RASGRF2: variants seen among roughly 807,000 people sequenced by gnomAD.
RASGRF2 encodes the protein Ras protein specific guanine nucleotide releasing factor 2.
RASGRF2 carries 76 observed loss-of-function variants against 151.0 expected under a neutral mutation model. That is an observed-to-expected ratio of 0.50 (90% CI 0.42 to 0.61). The LOEUF (loss-of-function observed/expected upper bound fraction) is 0.61. RASGRF2 is among the 20% of genes least tolerant of loss of function. The pLI is 0.00. For missense variants in RASGRF2, 1,148 were observed against 1,564.6 expected (o/e 0.73, Z 4.49); for synonymous variants, 504 against 566.5 (o/e 0.89, Z 1.57).
chr5:81,127,311 AC>A, intron 17 of RASGRF2, 148 bp downstream of exon 17: 2 of 812,182 alleles, frequency 2.5e-6, no homozygotes, highest in Non-Finnish European at 1.9e-6. Flanking sequence ...ATTGCTTGAG[AC>A]CAGTAGTTTG....
At chr5:81,000,764 C>T (rs1404969804) in intron 1 of RASGRF2, among the ~76,000 whole-genome samples, 1 of 152,128 alleles carries the variant, frequency 6.6e-6, no homozygotes, top group Non-Finnish European at 1.5e-5. Flanking sequence ...TGGTTTTGTC[C>T]TATGCATCTC....
intron 22 of RASGRF2, among the ~76,000 whole-genome samples, chr5:81,208,839 C>A (rs1755570631): frequency 6.6e-6 from 1 of 152,080 alleles, no homozygotes; most frequent in Non-Finnish European, 1.5e-5. Flanking sequence ...GCGTGAGCCA[C>A]CGCACCTGGC....
At position 81,220,045 on chromosome 5, in the gene RASGRF2, A is replaced by G. The variant is rs549069055; in HGVS notation, c.3621+267A>G. Among the ~76,000 whole-genome samples, 5 of 152,130 alleles carry G rather than the reference A, an allele frequency of 3.3e-5. No individual in the cohort carries two copies. The South Asian group carries it at 1.0e-3, about 32-fold the overall frequency. On this transcript the variant is annotated intron_variant, in intron 26 of 26. Coordinates refer to ENST00000265080, the MANE Select transcript of RASGRF2 (RefSeq NM_006909.3). ...CCAGAACCCTTGGTCCAAGCTGCCG[A>G]TATCTGTTGCCTGCTCTACTTGCAT...
At chr5:81,157,259 G>A (rs1042711066) in intron 17 of RASGRF2, among the ~76,000 whole-genome samples, 2 of 151,636 alleles carry the variant, frequency 1.3e-5, no homozygotes, top group East Asian at 3.9e-4. Flanking sequence ...AGAGGCTGAG[G>A]CAGGAGAATG....
At chr5:81,202,490 G>A (rs1375347920) in intron 19 of RASGRF2, among the ~76,000 whole-genome samples, 1 of 152,180 alleles carries the variant, frequency 6.6e-6, no homozygotes, top group Non-Finnish European at 1.5e-5. Context: ...TTAGCAACTG[G>A]CCTGTAAGTC....
chr5:81,067,540 G>T (rs1751643367), intron 2 of RASGRF2, among the ~76,000 whole-genome samples: 1 of 152,208 alleles, frequency 6.6e-6, no homozygotes, highest in Non-Finnish European at 1.5e-5. Context: ...AGAGTTGGTA[G>T]TCACTAATAC....
intron 18 of RASGRF2, among the ~76,000 whole-genome samples, chr5:81,199,397 G>A (rs550677177): frequency 6.6e-6 from 1 of 152,270 alleles, no homozygotes; most frequent in South Asian, 2.1e-4. Flanking sequence ...ATATGATGTT[G>A]GTTTCTTCCA....
chr5:80,996,895 G>A (rs1457026162), intron 1 of RASGRF2, among the ~76,000 whole-genome samples: 3 of 151,908 alleles, frequency 2.0e-5, no homozygotes, highest in Non-Finnish European at 4.4e-5. Flanking sequence ...TGTATTTATA[G>A]GCTTAGTAAA....
At position 81,229,989 on chromosome 5, in the gene RASGRF2, G is replaced by A. The variant is rs1756078584; in HGVS notation, c.*4219G>A. ...TTCTTTATCATTTGAGTGTGTGTGT[G>A]ATGGACGAATATGTGTGTGAGTTTG... is the stretch of plus-strand genomic sequence containing the variant. On this transcript the variant is annotated 3_prime_UTR_variant, in exon 27 of 27. Coordinates refer to ENST00000265080, the MANE Select transcript of RASGRF2 (RefSeq NM_006909.3). 6.6e-6 allele frequency: 1 copy of A among 152,234 alleles called. No individual in the cohort carries two copies. The highest frequency in any genetic ancestry group is 2.1e-4 in the South Asian group (1 of 4,834). 9.4% of individuals were successfully genotyped at this position (152,234 alleles called of 1,614,324 possible). A position where few individuals can be genotyped will look rare whatever the true frequency, so the allele number is the denominator to read the frequency against.
intron 12 of RASGRF2, among the ~76,000 whole-genome samples, chr5:81,107,667 T>C (rs910451979): frequency 5.3e-5 from 8 of 152,236 alleles, no homozygotes; most frequent in Non-Finnish European, 1.2e-4. Flanking sequence ...TCTGATTTTC[T>C]CACTTATCTT....
At chr5:81,070,184 C>G in intron 3 of RASGRF2, 1 of 324,158 alleles carries the variant, frequency 3.1e-6, no homozygotes, top group South Asian at 3.2e-5. Context: ...TATCACTGGA[C>G]TCCTGACAAG....
At chr5:81,001,031 T>C (rs1169208114) in intron 1 of RASGRF2, among the ~76,000 whole-genome samples, 1 of 152,220 alleles carries the variant, frequency 6.6e-6, no homozygotes, top group Non-Finnish European at 1.5e-5. Flanking sequence ...TTAGATAGAT[T>C]GGGCATGTCT....
chr5:81,025,815 C>G (rs1750000727), intron 1 of RASGRF2, among the ~76,000 whole-genome samples: 1 of 152,186 alleles, frequency 6.6e-6, no homozygotes, highest in Admixed American at 6.5e-5. Context: ...GGGAAAGGAT[C>G]TCCAAAGTCT....
In RASGRF2 at chr5:81,025,979, T is replaced by TTCCC. The variant is rs201973533; in HGVS notation, c.289-16884_289-16881dup. ...CCCTTTCGCCCTCCTTCCTTCCCTC[T>TTCCC]TCCCTCCCTCCCTCCCTTCCTTCCT... On this transcript the variant is annotated intron_variant, in intron 1 of 26. Transcript: ENST00000265080. Among the ~76,000 whole-genome samples, 36 of 146,780 alleles carry TTCCC rather than the reference T, an allele frequency of 2.5e-4. 1 individual carries two copies. The highest frequency in any genetic ancestry group is 7.4e-4 in the African/African-American group (29 of 39,434).
chr5:81,095,030 A>G, intron 12 of RASGRF2, 38 bp downstream of exon 12: 1 of 1,349,220 alleles, frequency 7.4e-7, no homozygotes, highest in Non-Finnish European at 9.7e-7. Flanking sequence ...TGTTTTTTAA[A>G]TTTCACAACT....
intron 17 of RASGRF2, among the ~76,000 whole-genome samples, chr5:81,142,243 C>A (rs1753901069): frequency 6.6e-6 from 1 of 152,050 alleles, no homozygotes; most frequent in Non-Finnish European, 1.5e-5. Context: ...ATATTCCTGT[C>A]CCGGTGGGGA....
chr5:81,145,961 C>T (rs991500233), intron 17 of RASGRF2, among the ~76,000 whole-genome samples: 9 of 152,148 alleles, frequency 5.9e-5, no homozygotes, highest in South Asian at 2.1e-4. Flanking sequence ...TCACGTTAAA[C>T]GTAAGGGGCA....
At chr5:81,158,843 A>G (rs1282640537) in intron 17 of RASGRF2, among the ~76,000 whole-genome samples, 2 of 152,226 alleles carry the variant, frequency 1.3e-5, no homozygotes, top group Admixed American at 1.3e-4. Flanking sequence ...GTGGGAACGT[A>G]AAATGGTACA....
At chr5:81,215,838 G>GT in intron 23 of RASGRF2, 38 bp from the exon 24 acceptor site, 2 of 1,483,938 alleles carry the variant, frequency 1.3e-6, no homozygotes, top group Non-Finnish European at 1.8e-6. Context: ...TTAAACCATA[G>GT]TATTTTCATC....
Sources: gnomAD v4.1 joint callset for allele counts (sites outside exome capture counted in the v4.1 genomes callset) on GRCh38, gnomAD v4.1.1 for gene constraint, MANE v1.5 for transcripts, NCBI Gene and HGNC (gene_info 2026-07-23, HGNC 2026-07-21) for gene names.